ZPBP: variants seen among roughly 807,000 people sequenced by gnomAD.
ZPBP encodes zona pellucida-binding protein 1.
A neutral mutation model predicts 44.8 loss-of-function variants in ZPBP; 26 were observed. That is an observed-to-expected ratio of 0.58 (90% CI 0.43 to 0.81). The LOEUF is 0.81. Among genes scored for constraint, ZPBP ranks in the 30% least tolerant of loss-of-function variants. ZPBP has a pLI of 0.00. For synonymous variants in ZPBP, 174 were observed against 153.2 expected (o/e 1.14, Z -1.00); for missense variants, 409 against 434.0 (o/e 0.94, Z 0.51).
chr7:49,988,250 T>G (rs1310181981), intron 6 of ZPBP, among the ~76,000 whole-genome samples: 1 of 152,176 alleles, frequency 6.6e-6, no homozygotes, highest in Non-Finnish European at 1.5e-5. Context: ...AATTTGGAAT[T>G]CTTTCATATC....
At position 49,929,113 on chromosome 7, in the gene ZPBP, A is replaced by G. The variant is rs567960339; in HGVS notation, n.411+6638T>C. ...AAATTGGCAGTTTTCCCAGTGACTT[A>G]AGAAATGAGCATGCCCAATGGAAAT... On this transcript the variant is annotated intron_variant and non_coding_transcript_variant, in intron 1 of 2. Transcript: ENST00000465922. 9.2e-5 allele frequency among the ~76,000 whole-genome samples: 14 copies of G among 152,334 alleles called. No homozygotes were observed. In the South Asian group the frequency reaches 2.7e-3, roughly 29 times the overall value.
chr7:49,973,340 A>G (rs1313740076), intron 7 of ZPBP, among the ~76,000 whole-genome samples: 3 of 151,904 alleles, frequency 2.0e-5, no homozygotes, highest in African/African-American at 7.2e-5. Flanking sequence ...AAGAAAAAAA[A>G]ATGGACTTAA....
In ZPBP at chr7:49,937,609, A is replaced by C; in HGVS notation, c.975T>G (p.Pro325=). Reference sequence around the variant, plus strand: ...TTCCATCACGGGGGTTATATGATCCAGGGCTGCAGATCACTGTGAAAAAAG... The same window carrying C: ...TTCCATCACGGGGGTTATATGATCCCGGGCTGCAGATCACTGTGAAAAAAG... ...KCPECCVICS[P]GSYNPRDGIH... is the part of the protein sequence containing the mutation. The change falls in exon 8 of 8, where the codon CCT becomes CCG. Residue 325 remains proline (P), a synonymous_variant. Transcript: ENST00000046087. 1 of 1,613,688 alleles carries C rather than the reference A, an allele frequency of 6.2e-7. No individual in the cohort carries two copies. Among genetic ancestry groups the C allele is most frequent in the Non-Finnish European group, 8.5e-7 (1 of 1,179,620 alleles).
At chr7:49,998,282 C>T (rs1797943310) in intron 6 of ZPBP, among the ~76,000 whole-genome samples, 2 of 152,108 alleles carry the variant, frequency 1.3e-5, no homozygotes, top group Admixed American at 1.3e-4. Flanking sequence ...TGTAATTTGG[C>T]CAGTCACAGG....
chr7:49,955,435 T>A (rs903940945), intron 7 of ZPBP, among the ~76,000 whole-genome samples: 10 of 152,076 alleles, frequency 6.6e-5, no homozygotes, highest in Non-Finnish European at 1.5e-4. Flanking sequence ...TGTGTGCCTT[T>A]AATCCCAGCT....
chr7:49,856,999 G>A (rs1790447885), intron 2 of ZPBP, among the ~76,000 whole-genome samples: 1 of 87,490 alleles, frequency 1.1e-5, no homozygotes, highest in Non-Finnish European at 2.0e-5. Flanking sequence ...GACAGAGCCA[G>A]ATACTGTCTC....
downstream of ZPBP, among the ~76,000 whole-genome samples, chr7:49,934,805 T>C (rs1794567117): frequency 6.6e-6 from 1 of 152,156 alleles, no homozygotes; most frequent in Admixed American, 6.5e-5. Context: ...TTTTACCATA[T>C]TGCCAAATAA....
At chr7:50,067,183 C>T (rs566692743) in intron 3 of ZPBP, among the ~76,000 whole-genome samples, 1 of 152,168 alleles carries the variant, frequency 6.6e-6, no homozygotes, top group African/African-American at 2.4e-5. Flanking sequence ...CCTGCATTTG[C>T]CTTTACGTTT....
At chr7:50,065,122 T>A (rs1801435610) in intron 3 of ZPBP, among the ~76,000 whole-genome samples, 1 of 152,242 alleles carries the variant, frequency 6.6e-6, no homozygotes, top group Non-Finnish European at 1.5e-5. Context: ...TTCTTTGATA[T>A]TTGTGTCTAT....
At chr7:49,843,417 AT>A in the ZPBP span, among the ~76,000 whole-genome samples, 3 of 152,234 alleles carry the variant, frequency 2.0e-5, no homozygotes, top group Middle Eastern at 3.4e-3. Flanking sequence ...GTTTTCAGAG[AT>A]TGTTTATATG....
chr7:49,890,074 A>G (rs1241284097), intron 2 of ZPBP, among the ~76,000 whole-genome samples: 2 of 152,186 alleles, frequency 1.3e-5, no homozygotes, highest in Non-Finnish European at 2.9e-5. Context: ...TGAGCATTTC[A>G]AAGCCTCAAT....
intron 2 of ZPBP, among the ~76,000 whole-genome samples, chr7:49,878,484 C>T (rs1791536231): frequency 6.6e-6 from 1 of 152,080 alleles, no homozygotes; most frequent in Non-Finnish European, 1.5e-5. Flanking sequence ...TGCTCAATAC[C>T]TACCTCTGCT....
At chr7:49,861,821 T>C (rs903083687) in intron 2 of ZPBP, among the ~76,000 whole-genome samples, 6 of 152,228 alleles carry the variant, frequency 3.9e-5, no homozygotes, top group African/African-American at 1.4e-4. Flanking sequence ...CTGGGTTTAC[T>C]TTTGGACTCT....
intron 6 of ZPBP, among the ~76,000 whole-genome samples, chr7:50,010,639 T>C (rs767734536): frequency 2.0e-5 from 3 of 151,930 alleles, no homozygotes; most frequent in Non-Finnish European, 4.4e-5. Flanking sequence ...GGAATATACC[T>C]AATAAAGGAA....
chr7:50,087,575 A>G (rs538953565), intron 2 of ZPBP, among the ~76,000 whole-genome samples: 188 of 152,134 alleles, frequency 1.2e-3, no homozygotes, highest in African/African-American at 4.4e-3. Flanking sequence ...GTGAAAACTT[A>G]TATCGGTTTT....
At chr7:49,964,448 C>T (rs535195784) in intron 7 of ZPBP, among the ~76,000 whole-genome samples, 1 of 151,970 alleles carries the variant, frequency 6.6e-6, no homozygotes, top group African/African-American at 2.4e-5. Flanking sequence ...AAACAAAGCC[C>T]ACATACAAAA....
intron 7 of ZPBP, among the ~76,000 whole-genome samples, chr7:49,944,988 CA>C (rs1432728067): frequency 3.9e-5 from 6 of 152,136 alleles, no homozygotes; most frequent in Non-Finnish European, 7.4e-5. Context: ...GTGCCTATTG[CA>C]ATAAACTTCC....
At chr7:49,892,108 A>T (rs901924159) in intron 2 of ZPBP, among the ~76,000 whole-genome samples, 1 of 129,330 alleles carries the variant, frequency 7.7e-6, no homozygotes. Context: ...GCAGTGGCGC[A>T]ATCTCGGCTC....
chr7:49,887,501 G>A (rs1306633305), intron 2 of ZPBP, among the ~76,000 whole-genome samples: 1 of 140,774 alleles, frequency 7.1e-6, no homozygotes, highest in Non-Finnish European at 1.5e-5. Flanking sequence ...AATAAAACTT[G>A]TAATTGTGGG....
Sources: allele counts gnomAD v4.1 joint callset (sites outside exome capture counted in the v4.1 genomes callset), GRCh38; gene constraint gnomAD v4.1.1; transcripts MANE v1.5; gene names NCBI Gene and HGNC (gene_info 2026-07-23, HGNC 2026-07-21).